Variants in KIAA1549L observed in about 807,000 individuals in gnomAD.
KIAA1549L encodes KIAA1549 like, also known as UPF0606 protein KIAA1549L.
KIAA1549L carries 88 observed loss-of-function variants against 160.7 expected under a neutral mutation model. The ratio of observed to expected loss-of-function variants is 0.55; its 90% CI spans 0.46 to 0.65. The LOEUF is 0.65. KIAA1549L is among the 30% of genes least tolerant of loss of function. The pLI is 0.00. For synonymous variants in KIAA1549L, 950 were observed against 976.7 expected, an observed-to-expected ratio of 0.97 and a Z score of 0.51; for missense variants, 2,258 against 2,437.5, an observed-to-expected ratio of 0.93 and a Z score of 1.55.
chr11:33,532,384 A>T (rs1452006059), intron 1 of KIAA1549L, among the ~76,000 whole-genome samples: 6 of 152,168 alleles, frequency 3.9e-5, no homozygotes, highest in Non-Finnish European at 8.8e-5. Flanking sequence ...GACTGAACAA[A>T]TAATGATAAT....
At chr11:33,572,039 CT>C (rs144288511) in intron 9 of KIAA1549L, among the ~76,000 whole-genome samples, 17,520 of 143,784 alleles carry the variant, frequency 0.12, 2,678 homozygotes, top group African/African-American at 0.37. Flanking sequence ...TTATTATGAA[CT>C]TTTTTTTTTT....
At chr11:33,648,940 C>A (rs1202035338) in intron 17 of KIAA1549L, among the ~76,000 whole-genome samples, 1 of 152,186 alleles carries the variant, frequency 6.6e-6, no homozygotes, top group South Asian at 2.1e-4. Flanking sequence ...CTGGACACAG[C>A]TAAGTGCTAT....
intron 16 of KIAA1549L, among the ~76,000 whole-genome samples, chr11:33,639,257 A>G (rs527509705): frequency 1.3e-5 from 2 of 152,304 alleles, no homozygotes; most frequent in Middle Eastern, 3.4e-3. Flanking sequence ...CACTGTGTGC[A>G]CTATTGTAGA....
At chr11:33,611,932 A>G (rs1850658358) in intron 15 of KIAA1549L, among the ~76,000 whole-genome samples, 1 of 152,202 alleles carries the variant, frequency 6.6e-6, no homozygotes. Context: ...GAGAGGCATC[A>G]CCTCTGCCTA....
intron 1 of KIAA1549L, among the ~76,000 whole-genome samples, chr11:33,453,834 A>G (rs1048315611): frequency 1.3e-5 from 2 of 152,218 alleles, no homozygotes; most frequent in Admixed American, 6.5e-5. Flanking sequence ...GAGCTCTGTG[A>G]ACATAAACCC....
At chr11:33,459,737 G>A (rs1020299628) in intron 1 of KIAA1549L, among the ~76,000 whole-genome samples, 8 of 151,542 alleles carry the variant, frequency 5.3e-5, no homozygotes, top group Admixed American at 5.3e-4. Flanking sequence ...CGAGGCGGGC[G>A]GATCACGAGG....
intron 1 of KIAA1549L, among the ~76,000 whole-genome samples, chr11:33,399,105 A>G (rs951455647): frequency 3.9e-5 from 6 of 152,038 alleles, no homozygotes; most frequent in Non-Finnish European, 7.4e-5. Flanking sequence ...GGCATGCACC[A>G]CCACGCCTGG....
intron 1 of KIAA1549L, among the ~76,000 whole-genome samples, chr11:33,408,489 G>GTATATATATATATATATA (rs138063173): frequency 3.3e-5 from 4 of 123,062 alleles, no homozygotes; most frequent in South Asian, 2.5e-4. Context: ...CTGTATATGT[G>GTATATATATATATATATA]TATATATATA....
intron 1 of KIAA1549L, among the ~76,000 whole-genome samples, chr11:33,466,605 A>G (rs897580006): frequency 1.3e-5 from 2 of 152,158 alleles, no homozygotes; most frequent in South Asian, 2.1e-4. Flanking sequence ...TGACCCAGCA[A>G]TCCTATTGCT....
Position 33,543,481 on chromosome 11 carries a change from C to A in KIAA1549L, c.1918C>A (p.Pro640Thr). ...LSIQATQTVF[P>T]SLGFSSTKPE... is the part of the protein sequence containing the mutation. ...CATACAAGCCACCCAGACTGTTTTC[C>A]CATCTCTTGGCTTTTCCAGCACCAA... Residue 640 changes from proline (P) to threonine (T), a missense_variant, in exon 2 of 21, where the codon CCA becomes ACA. By Grantham distance (38) the Pro-to-Thr change is conservative. Around this residue, in one of 6 missense-constraint regions of KIAA1549L, gnomAD observed 11 missense variants for 29.9 expected, o/e 0.37. Coordinates refer to ENST00000658780, the MANE Select transcript of KIAA1549L (RefSeq NM_012194.3). 6.2e-7 allele frequency: 1 copy of A among 1,614,046 alleles called. No homozygotes were observed. Among genetic ancestry groups the A allele is most frequent in the South Asian group, 1.1e-5 (1 of 91,082 alleles).
At chr11:33,377,313 A>G (rs1017142937) in intron 1 of KIAA1549L, among the ~76,000 whole-genome samples, 1 of 152,168 alleles carries the variant, frequency 6.6e-6, no homozygotes, top group Non-Finnish European at 1.5e-5. Context: ...CGGCTTCCCA[A>G]ATATCAACAC....
At chr11:33,658,243 A>C (rs1449612045) in intron 18 of KIAA1549L, among the ~76,000 whole-genome samples, 1 of 152,136 alleles carries the variant, frequency 6.6e-6, no homozygotes, top group East Asian at 1.9e-4. Flanking sequence ...CCGAGCTTCC[A>C]AGTCTTGGGC....
chr11:33,382,341 A>G (rs1033093050), intron 1 of KIAA1549L, among the ~76,000 whole-genome samples: 2 of 152,150 alleles, frequency 1.3e-5, no homozygotes, highest in Admixed American at 6.5e-5. Flanking sequence ...GAGTGGAGTT[A>G]GATAGGCACT....
At chr11:33,569,992 C>T (rs562826396) in intron 9 of KIAA1549L, among the ~76,000 whole-genome samples, 2 of 73,598 alleles carry the variant, frequency 2.7e-5, no homozygotes, top group South Asian at 6.1e-4. Flanking sequence ...TGTTCTTTCT[C>T]TCTCTCTCTC....
At chr11:33,561,384 G>C (rs947044058) in intron 7 of KIAA1549L, among the ~76,000 whole-genome samples, 1 of 152,200 alleles carries the variant, frequency 6.6e-6, no homozygotes, top group African/African-American at 2.4e-5. Context: ...CAGTGAGATA[G>C]TTTTGGTTCA....
intron 1 of KIAA1549L, among the ~76,000 whole-genome samples, chr11:33,453,120 T>C (rs1297393611): frequency 6.6e-6 from 1 of 152,238 alleles, no homozygotes; most frequent in East Asian, 1.9e-4. Context: ...GCACTGCTCT[T>C]TCAGGCCAAA....
intron 1 of KIAA1549L, among the ~76,000 whole-genome samples, chr11:33,537,025 C>T (rs894453266): frequency 5.3e-5 from 8 of 152,304 alleles, no homozygotes; most frequent in South Asian, 4.1e-4. Context: ...AGCAATGGTC[C>T]GGCTGTCGCC....
At chr11:33,530,414 GAAAAAA>G (rs71457306) in intron 1 of KIAA1549L, among the ~76,000 whole-genome samples, 182 of 16,400 alleles carry the variant, frequency 0.011, 2 homozygotes, top group Middle Eastern at 0.1. Context: ...GAAGAAGAAG[GAAAAAA>G]AAAAAAAAAA....
At chr11:33,620,686 G>A (rs1220068362) in intron 16 of KIAA1549L, among the ~76,000 whole-genome samples, 1 of 152,080 alleles carries the variant, frequency 6.6e-6, no homozygotes, top group Non-Finnish European at 1.5e-5. Context: ...TAACCACCAT[G>A]CAATATGGCC....
Sources: allele counts gnomAD v4.1 joint callset (sites outside exome capture counted in the v4.1 genomes callset), GRCh38; gene constraint gnomAD v4.1.1; regional missense constraint gnomAD v4.1.1; transcripts MANE v1.5; gene names NCBI Gene and HGNC (gene_info 2026-07-23, HGNC 2026-07-21).